FHIT: variants seen among roughly 807,000 people sequenced by gnomAD.
The protein encoded by FHIT is bis(5'-adenosyl)-triphosphatase.
In FHIT, 19 loss-of-function variants were observed where a neutral mutation model predicts 17.9. That is an observed-to-expected ratio of 1.06 (90% CI 0.74 to 1.56). The LOEUF (loss-of-function observed/expected upper bound fraction) is 1.56, where lower values mean the gene tolerates loss of function less well. Ranked by LOEUF, FHIT falls within the 40% of genes most tolerant of loss-of-function variation. The pLI, the probability that FHIT is intolerant of heterozygous loss-of-function variation, is 0.00. For synonymous variants in FHIT, 81 were observed against 69.7 expected (o/e 1.16, Z -0.81); for missense variants, 248 against 189.2 (o/e 1.31, Z -1.82).
intron 5 of FHIT, among the ~76,000 whole-genome samples, chr3:60,136,384 C>A (rs1306738744): frequency 6.6e-6 from 1 of 152,172 alleles, no homozygotes; most frequent in Non-Finnish European, 1.5e-5. Flanking sequence ...TGGAACTGTG[C>A]AAACCCAACT....
intron 4 of FHIT, among the ~76,000 whole-genome samples, chr3:60,612,760 G>C (rs1247662830): frequency 6.6e-6 from 1 of 152,122 alleles, no homozygotes; most frequent in Non-Finnish European, 1.5e-5. Flanking sequence ...TTTGAGACTA[G>C]ATAAACAAAT....
intron 5 of FHIT, among the ~76,000 whole-genome samples, chr3:60,265,539 C>A (rs997318354): frequency 6.6e-6 from 1 of 151,842 alleles, no homozygotes; most frequent in African/African-American, 2.4e-5. Flanking sequence ...AAAGCACAAG[C>A]AACGACAGCC....
intron 4 of FHIT, chr3:60,690,287 A>G (rs2040955996): frequency 1.8e-6 from 1 of 554,452 alleles, no homozygotes; most frequent in Non-Finnish European, 3.5e-6. Flanking sequence ...CTGAACACAA[A>G]GCGCTCCATG....
At chr3:61,029,780 G>GTAA (rs2032922287) in intron 3 of FHIT, among the ~76,000 whole-genome samples, 1 of 151,982 alleles carries the variant, frequency 6.6e-6, no homozygotes, top group African/African-American at 2.4e-5. Flanking sequence ...GTTATTCTTA[G>GTAA]TAATCCCTCT....
intron 2 of FHIT, among the ~76,000 whole-genome samples, chr3:61,117,565 T>C (rs2036335394): frequency 6.6e-6 from 1 of 152,148 alleles, no homozygotes; most frequent in Non-Finnish European, 1.5e-5. Flanking sequence ...GGCAGAACTA[T>C]ACAAAAAGAT....
At chr3:60,084,079 A>G (rs1703400034) in intron 5 of FHIT, among the ~76,000 whole-genome samples, 1 of 152,224 alleles carries the variant, frequency 6.6e-6, no homozygotes, top group South Asian at 2.1e-4. Flanking sequence ...TTTTAACAAA[A>G]TATGATCCTC....
chr3:60,390,767 AT>A (rs1701197809), intron 5 of FHIT, among the ~76,000 whole-genome samples: 1 of 152,174 alleles, frequency 6.6e-6, no homozygotes, highest in African/African-American at 2.4e-5. Context: ...AAATAAAAAA[AT>A]ACACTAAAGA....
At chr3:60,925,962 C>T (rs1331556794) in intron 3 of FHIT, among the ~76,000 whole-genome samples, 1 of 152,090 alleles carries the variant, frequency 6.6e-6, no homozygotes, top group Non-Finnish European at 1.5e-5. Context: ...ACAAAGAAGG[C>T]CATTACATAA....
At chr3:61,057,488 T>C (rs2034265989) in intron 2 of FHIT, among the ~76,000 whole-genome samples, 1 of 151,734 alleles carries the variant, frequency 6.6e-6, no homozygotes, top group African/African-American at 2.4e-5. Flanking sequence ...AAACACACAG[T>C]AAGTACAGGA....
chr3:60,106,826 C>T (rs1161878983), intron 5 of FHIT, among the ~76,000 whole-genome samples: 1 of 152,172 alleles, frequency 6.6e-6, no homozygotes, highest in Non-Finnish European at 1.5e-5. Context: ...GGATAGAATC[C>T]AGCTCCAATC....
At position 61,153,258 on chromosome 3, in the gene FHIT, T is replaced by C. The variant is rs147268630; in HGVS notation, c.-164+47359A>G. Among the ~76,000 whole-genome samples the C allele has an allele frequency of 9.8e-3, 1,486 of 152,030 alleles. 16 individuals carry two copies. Among genetic ancestry groups the C allele is most frequent in the Middle Eastern group, 0.041 (12 of 294 alleles). On this transcript the variant is annotated intron_variant, in intron 2 of 9. Transcript: ENST00000492590. ...CTCCTGAAATCCAAGTTGCCATAAA[T>C]TGAAAAATAGTTGGCTTAATGATAG...
chr3:60,497,973 A>G (rs982172665), intron 5 of FHIT, among the ~76,000 whole-genome samples: 2 of 152,180 alleles, frequency 1.3e-5, no homozygotes, highest in Non-Finnish European at 2.9e-5. Context: ...CAAGATAGTA[A>G]ATATTTTGGG....
intron 2 of FHIT, among the ~76,000 whole-genome samples, chr3:61,172,749 A>G (rs1343521959): frequency 2.4e-5 from 3 of 123,746 alleles, no homozygotes; most frequent in Non-Finnish European, 3.7e-5. Context: ...GCTTAAATCC[A>G]CGTGCCTAGA....
At chr3:59,847,031 T>C (rs781449569) in intron 8 of FHIT, among the ~76,000 whole-genome samples, 13 of 152,186 alleles carry the variant, frequency 8.5e-5, no homozygotes, top group Non-Finnish European at 1.8e-4. Flanking sequence ...CTTTCAATAG[T>C]AGTATTTATA....
chr3:60,027,491 AC>A (rs1700800367), intron 5 of FHIT, among the ~76,000 whole-genome samples: 1 of 152,154 alleles, frequency 6.6e-6, no homozygotes, highest in African/African-American at 2.4e-5. Flanking sequence ...CACTGTCTTT[AC>A]CATCATCACT....
In FHIT at chr3:60,151,354, A is replaced by C. The variant is rs77525399; in HGVS notation, c.104-137202T>G. On this transcript the variant is annotated intron_variant, in intron 5 of 9. Transcript: ENST00000492590. ...ATCAAGACTCTGATCACTTCTTACC[A>C]TTCACACCATTATCATCAAGTTGAA... Among the ~76,000 whole-genome samples the C allele has an allele frequency of 6.0e-3, 918 of 152,266 alleles. 6 individuals are homozygous for C. The highest frequency in any genetic ancestry group is 9.8e-3 in the Non-Finnish European group (664 of 68,024).
intron 5 of FHIT, among the ~76,000 whole-genome samples, chr3:60,442,145 C>T (rs1273748877): frequency 6.6e-6 from 1 of 151,892 alleles, no homozygotes; most frequent in African/African-American, 2.4e-5. Context: ...CAGGCATAAG[C>T]CACCATGCCC....
intron 5 of FHIT, among the ~76,000 whole-genome samples, chr3:60,471,798 T>C (rs2107449069): frequency 6.6e-6 from 1 of 152,162 alleles, no homozygotes; most frequent in African/African-American, 2.4e-5. Flanking sequence ...TGCTCTGTCT[T>C]CCCCCTGCCA....
At chr3:61,059,136 A>T (rs2034333767) in intron 2 of FHIT, among the ~76,000 whole-genome samples, 1 of 152,212 alleles carries the variant, frequency 6.6e-6, no homozygotes, top group African/African-American at 2.4e-5. Flanking sequence ...TTATGCTGTT[A>T]GCTAAGATAG....
Sources: gnomAD v4.1 joint callset for allele counts (sites outside exome capture counted in the v4.1 genomes callset) on GRCh38, gnomAD v4.1.1 for gene constraint, MANE v1.5 for transcripts, NCBI Gene and HGNC (gene_info 2026-07-23, HGNC 2026-07-21) for gene names.